Variants in LANCL2 observed in about 807,000 individuals in gnomAD.
The protein encoded by LANCL2 is LanC like glutathione S-transferase 2.
LANCL2 carries 33 observed loss-of-function variants against 56.9 expected under a neutral mutation model. That is an observed-to-expected ratio of 0.58 (90% confidence interval 0.44 to 0.78). LANCL2 has a LOEUF of 0.78. Ranked by LOEUF, LANCL2 falls within the 30% of genes least tolerant of loss-of-function variation. The pLI is 0.00. For missense variants in LANCL2, 562 were observed against 580.2 expected (o/e 0.97, Z 0.32); for synonymous variants, 233 against 228.2 (o/e 1.02, Z -0.19).
intron 1 of LANCL2, among the ~76,000 whole-genome samples, chr7:55,386,827 G>A (rs767253503): frequency 2.3e-4 from 35 of 152,186 alleles, no homozygotes; most frequent in Non-Finnish European, 3.1e-4. Flanking sequence ...GAGAAGTTAC[G>A]TGGGTTACTG....
chr7:55,398,773 G>A (rs1343394619), intron 3 of LANCL2, 143 bp downstream of exon 3: 2 of 671,214 alleles, frequency 3.0e-6, no homozygotes, highest in South Asian at 3.7e-5. Context: ...GAGCATAGTG[G>A]TGGGATCATA....
At chr7:55,386,391 C>A (rs1790126129) in intron 1 of LANCL2, among the ~76,000 whole-genome samples, 1 of 152,210 alleles carries the variant, frequency 6.6e-6, no homozygotes, top group Admixed American at 6.5e-5. Flanking sequence ...ACATTCTTCT[C>A]TCATGGCTTC....
chr7:55,425,528 TTCTC>T, intron 7 of LANCL2, 98 bp downstream of exon 7: 1 of 1,115,046 alleles, frequency 9.0e-7, no homozygotes, highest in Non-Finnish European at 1.3e-6. Context: ...TTTAACCTGT[TTCTC>T]CCAGTTCTGT....
intron 6 of LANCL2, among the ~76,000 whole-genome samples, chr7:55,424,717 G>A (rs909153532): frequency 9.8e-5 from 15 of 152,354 alleles, no homozygotes; most frequent in Admixed American, 7.8e-4. Flanking sequence ...GTACTGGTCC[G>A]TGGCCTGTTA....
chr7:55,415,560 A>C (rs932595248), intron 6 of LANCL2, among the ~76,000 whole-genome samples: 2 of 150,110 alleles, frequency 1.3e-5, no homozygotes, highest in Non-Finnish European at 3.0e-5. Flanking sequence ...AGATTCTGAT[A>C]CCTTCTTAAT....
At chr7:55,416,136 T>G (rs1036992204) in intron 6 of LANCL2, among the ~76,000 whole-genome samples, 1 of 152,238 alleles carries the variant, frequency 6.6e-6, no homozygotes, top group Admixed American at 6.5e-5. Flanking sequence ...ACACTTGATG[T>G]TGAAAGTCTT....
At chr7:55,392,526 T>C (rs1394539598) in intron 2 of LANCL2, among the ~76,000 whole-genome samples, 3 of 138,414 alleles carry the variant, frequency 2.2e-5, no homozygotes, top group African/African-American at 8.4e-5. Context: ...AATTTTTTGA[T>C]TTTTTGTAAA....
intron 6 of LANCL2, among the ~76,000 whole-genome samples, chr7:55,419,128 C>A (rs76167633): frequency 2.0e-5 from 3 of 151,992 alleles, no homozygotes; most frequent in African/African-American, 7.2e-5. Flanking sequence ...ATGCTGGTCA[C>A]GTACATGAGT....
At chr7:55,398,669 A>G (rs1562863043) in intron 3 of LANCL2, 39 bp downstream of exon 3, 2 of 1,463,220 alleles carry the variant, frequency 1.4e-6, no homozygotes, top group Non-Finnish European at 9.6e-7. Flanking sequence ...CCCAATTCCC[A>G]GTGGAAGCTC....
chr7:55,395,621 GAGAA>G (rs1426627688), intron 2 of LANCL2, among the ~76,000 whole-genome samples: 14 of 152,190 alleles, frequency 9.2e-5, no homozygotes, highest in African/African-American at 3.1e-4. Flanking sequence ...AAAAATCAAA[GAGAA>G]AGAAAGATAA....
chr7:55,403,693 A>AC (rs1790371400), intron 5 of LANCL2, among the ~76,000 whole-genome samples: 1 of 146,786 alleles, frequency 6.8e-6, no homozygotes, highest in South Asian at 2.2e-4. Context: ...TGCCTCAGCC[A>AC]CCCGAGCAGC....
chr7:55,379,483 C>T (rs1388468565), intron 1 of LANCL2, among the ~76,000 whole-genome samples: 1 of 152,142 alleles, frequency 6.6e-6, no homozygotes, highest in Non-Finnish European at 1.5e-5. Context: ...GCTGGATGCC[C>T]TACTATTCTG....
chr7:55,415,660 G>A (rs1052885769), intron 6 of LANCL2, among the ~76,000 whole-genome samples: 2 of 119,434 alleles, frequency 1.7e-5, no homozygotes, highest in Admixed American at 2.2e-4. Flanking sequence ...CTCCCAGGCT[G>A]GAGTGTGCAG....
chr7:55,371,608 T>C (rs1178924593), intron 1 of LANCL2, among the ~76,000 whole-genome samples: 1 of 152,350 alleles, frequency 6.6e-6, no homozygotes, highest in East Asian at 1.9e-4. Context: ...ATTATTGCTA[T>C]GGCCGGTGTC....
At chr7:55,411,803 C>G in intron 5 of LANCL2, 104 bp from the exon 6 acceptor site, 1 of 1,129,486 alleles carries the variant, frequency 8.9e-7, no homozygotes, top group Non-Finnish European at 1.3e-6. Flanking sequence ...ATTTTATGTG[C>G]TTTTTTTGTT....
At chr7:55,377,052 A>G (rs1027488455) in intron 1 of LANCL2, among the ~76,000 whole-genome samples, 1 of 152,244 alleles carries the variant, frequency 6.6e-6, no homozygotes, top group African/African-American at 2.4e-5. Flanking sequence ...ATGCCAAGAT[A>G]AAGAAATTTC....
rs6961412 is a variant in LANCL2 at position 55,391,808 on chromosome 7, A to G, written c.220A>G (p.Ile74Val). 9.6e-3 allele frequency: 15,336 copies of G among 1,595,848 alleles called. 1,213 individuals carry two copies. The African/African-American group carries it at 0.18, about 18-fold the overall frequency. The change falls in exon 2 of 9, where the codon ATA (isoleucine) becomes GTA (valine). Residue 74 changes from isoleucine (I) to valine (V), a missense_variant. Physicochemically the swap from Ile to Val is conservative, Grantham distance 29 (BLOSUM62 3). Around this residue, in one of 2 missense-constraint regions of LANCL2, gnomAD observed 184 missense variants for 111.8 expected, o/e 1.65. Transcript: ENST00000254770. ...TGGATCTCAGATCATTCATAATTTC[A>G]TAAGACGGATCCAGACCAAAATTAA... Reference protein sequence around the residue: ...HQDGKIIHNFIRRIQTKIKDL... With the variant: ...HQDGKIIHNFVRRIQTKIKDL...
intron 6 of LANCL2, among the ~76,000 whole-genome samples, chr7:55,424,789 A>G (rs1035751899): frequency 1.3e-5 from 2 of 152,204 alleles, no homozygotes; most frequent in African/African-American, 4.8e-5. Flanking sequence ...AACTGTATTT[A>G]CAGTCGCTCC....
Position 55,403,802 on chromosome 7 carries a change from C to T in LANCL2, c.825+2482C>T, listed in dbSNP as rs1273327560. 2.6e-5 allele frequency among the ~76,000 whole-genome samples: 4 copies of T among 152,008 alleles called. No homozygotes were observed. The East Asian group carries it at 5.8e-4, about 22-fold the overall frequency. ...GGCCAGGCTGGTCTCAAACTCCTGA[C>T]CTCATGATCCGCCCACGTCAGCCTC... On this transcript the variant is annotated intron_variant, in intron 5 of 8. Coordinates refer to ENST00000254770, the MANE Select transcript of LANCL2 (RefSeq NM_018697.4).
Sources: gnomAD v4.1 joint callset for allele counts (sites outside exome capture counted in the v4.1 genomes callset) on GRCh38, gnomAD v4.1.1 for gene constraint, gnomAD v4.1.1 regional missense constraint, MANE v1.5 for transcripts, NCBI Gene and HGNC (gene_info 2026-07-23, HGNC 2026-07-21) for gene names.